The following EGF variants were observed in gnomAD, a reference collection of about 807,000 sequenced individuals.
EGF encodes epidermal growth factor, also known as pro-epidermal growth factor.
A neutral mutation model predicts 143.8 loss-of-function variants in EGF; 95 were observed. The observed-to-expected ratio is 0.66, with a 90% CI of 0.56 to 0.78. EGF has a LOEUF of 0.78. EGF is among the 30% of genes least tolerant of loss of function. The pLI, the probability that EGF is intolerant of heterozygous loss-of-function variation, is 0.00. For synonymous variants in EGF, 510 were observed against 510.5 expected (o/e 1.00, Z 0.01); for missense variants, 1,320 against 1,470.9 (o/e 0.90, Z 1.68).
Position 109,961,804 on chromosome 4 carries a change from C to T in EGF, c.1190-59C>T, listed in dbSNP as rs11568940. 2.6e-3 allele frequency: 4,135 copies of T among 1,606,002 alleles called. 11 individuals carry two copies. Among genetic ancestry groups the T allele is most frequent in the Non-Finnish European group, 3.1e-3 (3,604 of 1,174,960 alleles). ...ACCTGGCAATATTAGCAACTGATTG[C>T]AATAAATTTTTGCAAACCCGATTTA... On this transcript the variant is annotated intron_variant, in intron 7 of 23. Coordinates refer to ENST00000265171, the MANE Select transcript of EGF (RefSeq NM_001963.6).
chr4:109,940,542 AT>A (rs1741741348), intron 1 of EGF, among the ~76,000 whole-genome samples: 1 of 152,200 alleles, frequency 6.6e-6, no homozygotes, highest in Non-Finnish European at 1.5e-5. Flanking sequence ...CAAGGAGTCC[AT>A]TTCCAAAATG....
intron 1 of EGF, among the ~76,000 whole-genome samples, chr4:109,937,420 G>A (rs955294972): frequency 2.0e-5 from 3 of 148,624 alleles, no homozygotes; most frequent in Non-Finnish European, 4.4e-5. Context: ...TTTATTTTGA[G>A]CCTATGTGAG....
intron 20 of EGF, among the ~76,000 whole-genome samples, chr4:109,995,676 A>G (rs2126160323): frequency 6.6e-6 from 1 of 152,320 alleles, no homozygotes; most frequent in South Asian, 2.1e-4. Context: ...CAAAAAACTA[A>G]TACGTCTCCC....
chr4:110,013,057 A>G lies in EGF; in HGVS notation c.*1602A>G, dbSNP rs1233117351. Among the ~76,000 whole-genome samples the G allele has an allele frequency of 6.6e-6, 1 of 152,206 alleles. No individual in the cohort carries two copies. Among genetic ancestry groups the G allele is most frequent in the Non-Finnish European group, 1.5e-5 (1 of 68,028 alleles). On this transcript the variant is annotated 3_prime_UTR_variant, in exon 24 of 24. Coordinates refer to ENST00000265171, the MANE Select transcript of EGF (RefSeq NM_001963.6). ...TGTGGATATTAGTTAATTATTCAGT[A>G]TGATACCTCACCCAGCTAATTTAGA...
chr4:109,949,180 T>C (rs1743382554), intron 5 of EGF, among the ~76,000 whole-genome samples: 1 of 152,156 alleles, frequency 6.6e-6, no homozygotes, highest in Non-Finnish European at 1.5e-5. Context: ...CAATTCTCTC[T>C]GCCTCAGCCT....
In EGF at chr4:109,931,769, C is replaced by T. The variant is rs150189637; in HGVS notation, c.128-9177C>T. 3.9e-5 allele frequency among the ~76,000 whole-genome samples: 6 copies of T among 152,260 alleles called. No individual in the cohort carries two copies. In the East Asian group the frequency reaches 1.2e-3, roughly 29 times the overall value. On this transcript the variant is annotated intron_variant, in intron 1 of 23. Transcript: ENST00000265171. ...AGGAACATTCACTCACAGAGAGGCA[C>T]CCTGGGTGATTATTTTAAACAAACA...
intron 10 of EGF, chr4:109,968,698 AT>A: frequency 2.4e-6 from 1 of 425,310 alleles, no homozygotes; most frequent in Non-Finnish European, 4.3e-6. Flanking sequence ...CTATCTATCT[AT>A]CTATCTATCT....
intron 23 of EGF, 65 bp from the exon 24 acceptor site, chr4:110,011,137 G>C: frequency 6.3e-7 from 1 of 1,583,302 alleles, no homozygotes; most frequent in African/African-American, 1.3e-5. Context: ...CTACCGTTTA[G>C]GGTCTGTCTT....
At chr4:109,976,342 A>G (rs1039193957) in intron 13 of EGF, 107 bp downstream of exon 13, 5 of 977,194 alleles carry the variant, frequency 5.1e-6, no homozygotes, top group South Asian at 2.8e-5. Flanking sequence ...GTATGGGTGA[A>G]TATGGAATAG....
chr4:109,959,438 G>T lies in EGF; in HGVS notation c.1066+1G>T. On this transcript the variant is annotated splice_donor_variant, in intron 6 of 23. Coordinates refer to ENST00000265171, the MANE Select transcript of EGF (RefSeq NM_001963.6). LOFTEE classifies it high-confidence loss of function. The stretch of plus-strand genomic sequence containing the variant: ...AGTCGAGACCGGAAGTACTGTGAAG[G>T]TAATGACTGGAAGTACTGTGAAGGT... 1 of 1,613,756 alleles carries T rather than the reference G, an allele frequency of 6.2e-7. No individual in the cohort carries two copies. Among genetic ancestry groups the T allele is most frequent in the East Asian group, 2.2e-5 (1 of 44,858 alleles).
In EGF at chr4:109,924,716, A is replaced by G. The variant is rs370305708; in HGVS notation, c.127+11254A>G. On this transcript the variant is annotated intron_variant, in intron 1 of 23. Coordinates refer to ENST00000265171, the MANE Select transcript of EGF (RefSeq NM_001963.6). Reference sequence around the variant, plus strand: ...ATTGCAGACAACACTAATATTGCAAACCTAAGAGAATAATGAGGAAAGGGC... The same window carrying G: ...ATTGCAGACAACACTAATATTGCAAGCCTAAGAGAATAATGAGGAAAGGGC... 3.1e-4 allele frequency among the ~76,000 whole-genome samples: 47 copies of G among 152,308 alleles called. No homozygotes were observed. The South Asian group carries it at 9.5e-3, about 31-fold the overall frequency.
rs758414654 is a variant in EGF, at chr4:109,980,856, G to A, written c.2252G>A (p.Gly751Asp). 2 of 1,614,064 alleles carry A rather than the reference G, an allele frequency of 1.2e-6. No homozygotes were observed. The highest frequency in any genetic ancestry group is 1.3e-5 in the African/African-American group (1 of 75,022). Residue 751 changes from glycine (G) to aspartate (D), a missense_variant, in exon 15 of 24, where the codon GGC (glycine) becomes GAC (aspartate). Physicochemically the swap from Gly to Asp is moderately conservative, Grantham distance 94 (BLOSUM62 -1). Coordinates refer to ENST00000265171, the MANE Select transcript of EGF (RefSeq NM_001963.6). ...GADPCLYQNG[G>D]CEHICKKRLG... ...GATCCCTGCTTATATCAAAACGGAG[G>A]CTGTGAACATATTTGCAAAAAGAGG...
chr4:109,922,297 T>C lies in EGF; in HGVS notation c.127+8835T>C, dbSNP rs568364717. Reference sequence around the variant, plus strand: ...CTAATGAATCATGGCAAAGATTTCATGTAAGTGGGAAAAAATGAGGTATTT... The same window carrying C: ...CTAATGAATCATGGCAAAGATTTCACGTAAGTGGGAAAAAATGAGGTATTT... On this transcript the variant is annotated intron_variant, in intron 1 of 23. Coordinates refer to ENST00000265171, the MANE Select transcript of EGF (RefSeq NM_001963.6). Among the ~76,000 whole-genome samples, 21 of 151,722 alleles carry C rather than the reference T, an allele frequency of 1.4e-4. No homozygotes were observed. In the South Asian group the frequency reaches 4.3e-3, roughly 31 times the overall value.
At position 109,976,363 on chromosome 4, in the gene EGF, C is replaced by A. The variant is rs1748505109; in HGVS notation, c.2053+128C>A. 2.9e-5 allele frequency: 24 copies of A among 840,572 alleles called. No homozygotes were observed. In the East Asian group the frequency reaches 6.1e-4, roughly 21 times the overall value. The allele number at this position is 840,572 out of a possible 1,614,324, so 52.1% of individuals were successfully genotyped here. On this transcript the variant is annotated intron_variant, in intron 13 of 23. Coordinates refer to ENST00000265171, the MANE Select transcript of EGF (RefSeq NM_001963.6). Reference sequence around the variant, plus strand: ...GTGAATATGGAATAGAGACAGACTTCTCCAGGGAATCATGAGCTGCAAAGC... The same window carrying A: ...GTGAATATGGAATAGAGACAGACTTATCCAGGGAATCATGAGCTGCAAAGC...
At chr4:109,923,434 T>C (rs2125942729) in intron 1 of EGF, among the ~76,000 whole-genome samples, 1 of 151,704 alleles carries the variant, frequency 6.6e-6, no homozygotes, top group African/African-American at 2.4e-5. Flanking sequence ...GAGAAGATAA[T>C]TGTATTCAGT....
intron 20 of EGF, among the ~76,000 whole-genome samples, chr4:109,998,005 A>G (rs1227556069): frequency 6.6e-6 from 1 of 152,226 alleles, no homozygotes; most frequent in Non-Finnish European, 1.5e-5. Flanking sequence ...ATTCATAACC[A>G]AAGAACTAGT....
intron 13 of EGF, among the ~76,000 whole-genome samples, chr4:109,976,657 T>A (rs756369212): frequency 1.2e-4 from 18 of 152,190 alleles, no homozygotes; most frequent in Non-Finnish European, 2.6e-4. Flanking sequence ...AGATTTTACA[T>A]GGGGTGTCAT....
At chr4:109,931,041 G>A (rs1302457473) in intron 1 of EGF, among the ~76,000 whole-genome samples, 1 of 152,134 alleles carries the variant, frequency 6.6e-6, no homozygotes, top group Non-Finnish European at 1.5e-5. Flanking sequence ...AATGTTGTAG[G>A]TTTTGACATG....
intron 3 of EGF, 152 bp from the exon 4 acceptor site, chr4:109,943,690 G>C (rs905631090): frequency 1.3e-6 from 1 of 772,728 alleles, no homozygotes; most frequent in African/African-American, 1.7e-5. Flanking sequence ...CACTTGTAAT[G>C]TCTACAATAG....
Sources: gnomAD v4.1 joint callset for allele counts (sites outside exome capture counted in the v4.1 genomes callset) on GRCh38, gnomAD v4.1.1 for gene constraint, MANE v1.5 for transcripts, NCBI Gene and HGNC (gene_info 2026-07-23, HGNC 2026-07-21) for gene names.